CTNNA3: variants seen among roughly 807,000 people sequenced by gnomAD.
CTNNA3 encodes the protein catenin alpha 3, also known as catenin alpha-3.
Under a neutral mutation model 95.7 loss-of-function variants are expected in CTNNA3, and 76 were observed. The observed-to-expected ratio is 0.79, with a 90% CI of 0.66 to 0.96. The LOEUF (loss-of-function observed/expected upper bound fraction) is 0.96. Among genes scored for constraint, CTNNA3 ranks in the 40% least tolerant of loss-of-function variants. The probability of loss-of-function intolerance (pLI) is 0.00; values close to 1 mark genes in which losing one functional copy is unlikely to be tolerated. For missense variants in CTNNA3, 1,191 were observed against 1,089.8 expected (o/e 1.09, Z -1.31); for synonymous variants, 431 against 374.4 (o/e 1.15, Z -1.74).
chr10:67,378,862 T>C (rs1227374421), intron 5 of CTNNA3, among the ~76,000 whole-genome samples: 1 of 152,200 alleles, frequency 6.6e-6, no homozygotes, highest in East Asian at 1.9e-4. Flanking sequence ...ATAAGTAACA[T>C]ATAAGGGCAA....
intron 11 of CTNNA3, among the ~76,000 whole-genome samples, chr10:66,425,048 C>G (rs1312072214): frequency 6.6e-6 from 1 of 151,944 alleles, no homozygotes; most frequent in African/African-American, 2.4e-5. Flanking sequence ...CTGAAGCTAT[C>G]TACAAATAAT....
chr10:65,999,299 G>A lies in CTNNA3; in HGVS notation c.2160-10502C>T, dbSNP rs2078724708. Among the ~76,000 whole-genome samples, 3 of 152,152 alleles carry A rather than the reference G, an allele frequency of 2.0e-5. No homozygotes were observed. In the South Asian group the frequency reaches 6.2e-4, roughly 31 times the overall value. On this transcript the variant is annotated intron_variant, in intron 15 of 17. Transcript: ENST00000433211. ...TTTCAAGTCTTAAACAATGGACAAA[G>A]ATTGTTTCTAAGGAGAGCAGCTAAG...
intron 11 of CTNNA3, among the ~76,000 whole-genome samples, chr10:66,499,933 G>T (rs1159655434): frequency 6.6e-6 from 1 of 151,644 alleles, no homozygotes; most frequent in Non-Finnish European, 1.5e-5. Context: ...CTCCGGAGTA[G>T]CTGGGATTAC....
intron 9 of CTNNA3, among the ~76,000 whole-genome samples, chr10:66,635,567 A>G (rs938658301): frequency 6.6e-6 from 1 of 152,176 alleles, no homozygotes; most frequent in Non-Finnish European, 1.5e-5. Context: ...CTATTTCTGA[A>G]TCAACATGTT....
chr10:66,512,716 G>C (rs1216059222), intron 11 of CTNNA3, among the ~76,000 whole-genome samples: 1 of 152,046 alleles, frequency 6.6e-6, no homozygotes, highest in Non-Finnish European at 1.5e-5. Context: ...CTCAGTCTTT[G>C]TATGTCTGGG....
At chr10:66,767,884 A>T (rs192782083) in intron 8 of CTNNA3, among the ~76,000 whole-genome samples, 99 of 152,350 alleles carry the variant, frequency 6.5e-4, no homozygotes, top group African/African-American at 2.3e-3. Context: ...CTTCAGGAAG[A>T]TCCCCAAGGA....
chr10:66,311,136 A>G (rs995266729), intron 12 of CTNNA3, among the ~76,000 whole-genome samples: 1 of 152,268 alleles, frequency 6.6e-6, no homozygotes, highest in Non-Finnish European at 1.5e-5. Context: ...TACTTGAGGC[A>G]TATATATCCA....
At chr10:67,133,328 TACACACACACACACAATGGTAGATAC>T (rs1860123651) in intron 7 of CTNNA3, among the ~76,000 whole-genome samples, 8 of 105,314 alleles carry the variant, frequency 7.6e-5, no homozygotes, top group Middle Eastern at 6.5e-3. Context: ...TATATATTTA[TACACACACACACACAATGGTAGATAC>T]ATACATACAT....
intron 5 of CTNNA3, among the ~76,000 whole-genome samples, chr10:67,280,000 T>C (rs1313596608): frequency 1.3e-5 from 2 of 150,504 alleles, no homozygotes. Flanking sequence ...TAGAAAAATA[T>C]ATTAAATAAT....
intron 3 of CTNNA3, among the ~76,000 whole-genome samples, chr10:67,591,629 G>C (rs1842791308): frequency 6.6e-6 from 1 of 151,912 alleles, no homozygotes; most frequent in South Asian, 2.1e-4. Flanking sequence ...AAAATGTCCA[G>C]ATAGAAGCAT....
intron 12 of CTNNA3, among the ~76,000 whole-genome samples, chr10:66,322,148 A>G (rs72801017): frequency 6.6e-6 from 1 of 152,240 alleles, no homozygotes; most frequent in Non-Finnish European, 1.5e-5. Context: ...GAAGAGCTCT[A>G]AGTAGAGGAA....
At chr10:67,608,273 G>A (rs1038655093) in intron 2 of CTNNA3, among the ~76,000 whole-genome samples, 1 of 152,152 alleles carries the variant, frequency 6.6e-6, no homozygotes, top group East Asian at 1.9e-4. Context: ...TCTATTCTCA[G>A]CCTAAATAGA....
At chr10:67,120,798 C>T (rs1300068031) in intron 7 of CTNNA3, among the ~76,000 whole-genome samples, 2 of 151,920 alleles carry the variant, frequency 1.3e-5, no homozygotes, top group Non-Finnish European at 2.9e-5. Context: ...TTTTGTAATG[C>T]GTAAGTCTTT....
At chr10:67,292,407 T>TC (rs1839873993) in intron 5 of CTNNA3, among the ~76,000 whole-genome samples, 2 of 152,238 alleles carry the variant, frequency 1.3e-5, no homozygotes, top group African/African-American at 2.4e-5. Context: ...TATTTTTTTT[T>TC]CCGAGTCCCA....
chr10:66,516,063 G>GAAAAAAAAAA (rs147730943), intron 11 of CTNNA3, among the ~76,000 whole-genome samples: 1 of 123,910 alleles, frequency 8.1e-6, no homozygotes, highest in Non-Finnish European at 1.7e-5. Context: ...TTAATTATCT[G>GAAAAAAAAAA]GAAAAAAAAA....
intron 10 of CTNNA3, among the ~76,000 whole-genome samples, chr10:66,582,613 A>T (rs1843225813): frequency 6.6e-6 from 1 of 151,722 alleles, no homozygotes; most frequent in African/African-American, 2.4e-5. Flanking sequence ...TGTTTTACAA[A>T]TCGAATGCCC....
At chr10:67,637,535 G>A (rs1839362243) in intron 2 of CTNNA3, among the ~76,000 whole-genome samples, 2 of 152,130 alleles carry the variant, frequency 1.3e-5, no homozygotes, top group African/African-American at 4.8e-5. Flanking sequence ...TATTCCTCAG[G>A]AAGAGCAACT....
At chr10:66,479,547 C>T (rs919681492) in intron 11 of CTNNA3, among the ~76,000 whole-genome samples, 14 of 151,818 alleles carry the variant, frequency 9.2e-5, no homozygotes, top group African/African-American at 3.4e-4. Flanking sequence ...GGTCTATTAG[C>T]CCATTTATTT....
At chr10:66,082,673 A>G (rs1267352416) in intron 14 of CTNNA3, among the ~76,000 whole-genome samples, 2 of 137,938 alleles carry the variant, frequency 1.4e-5, no homozygotes, top group African/African-American at 2.5e-5. Context: ...TGAAAGGCCT[A>G]TAGGATCTCT....
Sources: allele counts gnomAD v4.1 joint callset (sites outside exome capture counted in the v4.1 genomes callset), GRCh38; gene constraint gnomAD v4.1.1; transcripts MANE v1.5; gene names NCBI Gene and HGNC (gene_info 2026-07-23, HGNC 2026-07-21).